SFI1: variants seen among roughly 807,000 people sequenced by gnomAD.
The protein encoded by SFI1 is protein SFI1 homolog.
In SFI1, 195 loss-of-function variants were observed where a neutral mutation model predicts 207.5. The ratio of observed to expected loss-of-function variants is 0.94; its 90% CI spans 0.84 to 1.06. SFI1 has a LOEUF of 1.06. SFI1 is among the 50% of genes least tolerant of loss of function. SFI1 has a pLI of 0.00. For synonymous variants in SFI1, 630 were observed against 598.9 expected (o/e 1.05, Z -0.76); for missense variants, 1,634 against 1,588.0 (o/e 1.03, Z -0.49).
intron 8 of SFI1, 142 bp downstream of exon 8, chr22:31,561,534 TC>T (rs1194075483): frequency 4.7e-5 from 31 of 663,244 alleles, no homozygotes; most frequent in Non-Finnish European, 7.3e-5. Context: ...GCTGGGCTCT[TC>T]CAGAGGGAGG....
chr22:31,589,795 T>G (rs201904171), intron 15 of SFI1, among the ~76,000 whole-genome samples: 20,274 of 151,588 alleles, frequency 0.13, 1,754 homozygotes, highest in Non-Finnish European at 0.17. Context: ...TATTTATTTT[T>G]TTTGTGTGTG....
At position 31,593,979 on chromosome 22, in the gene SFI1, GACGGAGACGA is replaced by G. The variant is rs1569421559; in HGVS notation, c.1544+4403_1544+4412del. On this transcript the variant is annotated intron_variant, in intron 15 of 32. Coordinates refer to ENST00000400288, the MANE Select transcript of SFI1 (RefSeq NM_001007467.3). ...CCGCATGAGAGGGAGACCATGGGGA[GACGGAGACGA>G]GGGAGAGGGAGAGGGACAGGGAGAG... Among the ~76,000 whole-genome samples the G allele has an allele frequency of 1.0e-2, 1,363 of 136,340 alleles. 11 individuals carry two copies. Among genetic ancestry groups the G allele is most frequent in the Middle Eastern group, 0.032 (9 of 278 alleles). The allele number at this position is 136,340 out of a possible 152,430, so 89.4% of individuals were successfully genotyped here. A position where few individuals can be genotyped will look rare whatever the true frequency, so the allele number is the denominator to read the frequency against.
chr22:31,529,102 C>G, intron 3 of SFI1: 1 of 417,138 alleles, frequency 2.4e-6, no homozygotes. Context: ...CAAGATTCTT[C>G]CAGAAAAAGT....
At chr22:31,586,224 AGATG>A (rs2065009934) in intron 14 of SFI1, among the ~76,000 whole-genome samples, 1 of 151,994 alleles carries the variant, frequency 6.6e-6, no homozygotes, top group Non-Finnish European at 1.5e-5. Flanking sequence ...CTTCCAGCTC[AGATG>A]TCACCTCCTC....
At position 31,613,216 on chromosome 22, in the gene SFI1, G is replaced by A. The variant is rs571089251; in HGVS notation, c.2565G>A (p.Lys855=). The part of the protein sequence containing the change: ...LWFWAFSLQA[K]VWATWLAFVL... The stretch of plus-strand genomic sequence containing the variant: ...TCTGGGCCTTCTCGCTGCAGGCAAA[G>A]GTAATTGGGGCTCTGCATCCTACCA... The change falls in exon 25 of 33, where the codon AAG becomes AAA. Residue 855 remains lysine, a splice_region_variant and synonymous_variant. Transcript: ENST00000400288. 5 of 1,613,652 alleles carry A rather than the reference G, an allele frequency of 3.1e-6. No homozygotes were observed. The East Asian group carries it at 1.1e-4, about 36-fold the overall frequency.
At chr22:31,600,519 C>G (rs569266259) in intron 15 of SFI1, among the ~76,000 whole-genome samples, 30 of 152,318 alleles carry the variant, frequency 2.0e-4, no homozygotes, top group East Asian at 1.7e-3. Context: ...CTCTGCTAGG[C>G]CTCCAGGCCC....
At position 31,613,711 on chromosome 22, in the gene SFI1, G is replaced by A. The variant is rs1222302260; in HGVS notation, c.2852G>A (p.Arg951Lys). ...PQPLAAIAPS[R>K]KVTFEGPLLN... ...CCCCTGGCAGCCATCGCACCCAGCA[G>A]GAAAGTGACGTTTGAGGGTCCCCTT... The change falls in exon 27 of 33, where the codon AGG becomes AAG. Residue 951 changes from arginine to lysine, a missense_variant. Physicochemically the swap from Arg to Lys is conservative, Grantham distance 26. Transcript: ENST00000400288. The A allele has an allele frequency of 5.0e-6, 8 of 1,613,026 alleles. No homozygotes were observed. The highest frequency in any genetic ancestry group is 3.3e-5 in the Admixed American group (2 of 59,976).
chr22:31,506,973 A>G (rs2054735838), intron 1 of SFI1, among the ~76,000 whole-genome samples: 1 of 152,220 alleles, frequency 6.6e-6, no homozygotes, highest in South Asian at 2.1e-4. Context: ...ACCATTAACT[A>G]CCATTGACAT....
At chr22:31,614,539 CCAG>C in intron 27 of SFI1, 1 of 676,600 alleles carries the variant, frequency 1.5e-6, no homozygotes, top group Non-Finnish European at 2.7e-6. Context: ...GACCTGTACA[CCAG>C]CGTCACCAGG....
At chr22:31,582,316 A>G (rs2064433255) in intron 12 of SFI1, among the ~76,000 whole-genome samples, 2 of 124,314 alleles carry the variant, frequency 1.6e-5, no homozygotes, top group South Asian at 5.6e-4. Flanking sequence ...AAGTAGCTTG[A>G]TCTCGGCTCA....
At chr22:31,541,050 A>T (rs538661169) in intron 4 of SFI1, among the ~76,000 whole-genome samples, 85 of 152,190 alleles carry the variant, frequency 5.6e-4, no homozygotes, top group African/African-American at 2.0e-3. Context: ...GCTTGAGTGA[A>T]TATGAGTGAA....
At chr22:31,596,935 A>G (rs1328332506) in intron 15 of SFI1, among the ~76,000 whole-genome samples, 2 of 139,068 alleles carry the variant, frequency 1.4e-5, no homozygotes, top group Non-Finnish European at 3.1e-5. Flanking sequence ...CCCGTTTCTA[A>G]ATGGCTTCAG....
At chr22:31,525,577 G>A (rs1397368419) in intron 2 of SFI1, among the ~76,000 whole-genome samples, 5 of 152,092 alleles carry the variant, frequency 3.3e-5, no homozygotes, top group Non-Finnish European at 5.9e-5. Flanking sequence ...AAATTAGCCA[G>A]GTGGTAGCAT....
rs1249688346 is a variant in SFI1, at chr22:31,613,195, G to T, written c.2544G>T (p.Trp848Cys). Residue 848 changes from tryptophan to cysteine, a missense_variant, in exon 25 of 33, where the codon TGG becomes TGT. Physicochemically the swap from Trp to Cys is radical, Grantham distance 215 (BLOSUM62 -2). Transcript: ENST00000400288. ...CGACAGTGCGGGCCCTGTGGTTCTG[G>T]GCCTTCTCGCTGCAGGCAAAGGTAA... ...QRATVRALWFWAFSLQAKVWA... is the reference protein window; with the variant it reads ...QRATVRALWFCAFSLQAKVWA... 1 of 1,613,804 alleles carries T rather than the reference G, an allele frequency of 6.2e-7. No individual in the cohort carries two copies. Among genetic ancestry groups the T allele is most frequent in the Non-Finnish European group, 8.5e-7 (1 of 1,180,024 alleles).
At chr22:31,521,999 G>A (rs776364165) in intron 2 of SFI1, among the ~76,000 whole-genome samples, 32 of 150,732 alleles carry the variant, frequency 2.1e-4, no homozygotes, top group Admixed American at 1.8e-3. Context: ...TCCTGGCCTC[G>A]AGGGATCCAC....
chr22:31,534,549 A>T (rs148030916), intron 4 of SFI1, among the ~76,000 whole-genome samples: 51 of 152,120 alleles, frequency 3.4e-4, no homozygotes, highest in African/African-American at 1.2e-3. Context: ...TATTTTGTCT[A>T]ATTCCATCTT....
intron 11 of SFI1, among the ~76,000 whole-genome samples, chr22:31,579,202 G>A (rs940073975): frequency 2.0e-5 from 3 of 152,016 alleles, no homozygotes; most frequent in African/African-American, 7.3e-5. Context: ...GGAGTGCAGT[G>A]TTAAAATCAT....
intron 13 of SFI1, among the ~76,000 whole-genome samples, chr22:31,584,857 T>C (rs2064814883): frequency 6.6e-6 from 1 of 152,068 alleles, no homozygotes; most frequent in Non-Finnish European, 1.5e-5. Flanking sequence ...TACAAGAAAG[T>C]TGCAACATTT....
intron 6 of SFI1, among the ~76,000 whole-genome samples, chr22:31,552,530 G>C (rs2060716691): frequency 6.6e-6 from 1 of 152,194 alleles, no homozygotes. Context: ...GAGATTGCAG[G>C]CATGAGCCAC....
Sources: gnomAD v4.1 joint callset for allele counts (sites outside exome capture counted in the v4.1 genomes callset) on GRCh38, gnomAD v4.1.1 for gene constraint, MANE v1.5 for transcripts, NCBI Gene and HGNC (gene_info 2026-07-23, HGNC 2026-07-21) for gene names.